The following AK5 variants were observed in gnomAD, a reference collection of about 807,000 sequenced individuals.
The protein encoded by AK5 is adenylate kinase 5.
Under a neutral mutation model 69.5 loss-of-function variants are expected in AK5, and 27 were observed. That is an observed-to-expected ratio of 0.39 (90% CI 0.29 to 0.54). The LOEUF is 0.54. Ranked by LOEUF, AK5 falls within the 20% of genes least tolerant of loss-of-function variation. The pLI is 0.71. For synonymous variants in AK5, 260 were observed against 244.4 expected (o/e 1.06, Z -0.60); for missense variants, 531 against 700.4 (o/e 0.76, Z 2.73).
rs112106678 is a variant in AK5 at position 77,285,850 on chromosome 1, A to AT, written c.61-1081dup. 6.7e-3 allele frequency among the ~76,000 whole-genome samples: 1,001 copies of AT among 149,376 alleles called. 12 individuals are homozygous for AT. The highest frequency in any genetic ancestry group is 0.022 in the African/African-American group (895 of 40,676). ...CTCAGTTAGACTTGAGCTTTGAGGG[A>AT]TTTTTTTTTTCCAATTGGAAAACAG... On this transcript the variant is annotated intron_variant, in intron 1 of 13. Coordinates refer to ENST00000354567, the MANE Select transcript of AK5 (RefSeq NM_174858.3).
intron 5 of AK5, among the ~76,000 whole-genome samples, chr1:77,336,302 G>A (rs538861640): frequency 2.6e-5 from 4 of 151,826 alleles, no homozygotes; most frequent in Non-Finnish European, 5.9e-5. Flanking sequence ...GGATGGTCTC[G>A]ATCTCTTAAC....
At chr1:77,466,756 A>G (rs1654167569) in intron 8 of AK5, among the ~76,000 whole-genome samples, 1 of 152,226 alleles carries the variant, frequency 6.6e-6, no homozygotes, top group Admixed American at 6.5e-5. Context: ...ACCCACATCC[A>G]CAAGCCCTTT....
chr1:77,374,418 C>CTTTT (rs34141642), intron 6 of AK5, among the ~76,000 whole-genome samples: 3 of 138,792 alleles, frequency 2.2e-5, no homozygotes, highest in Admixed American at 7.2e-5. Context: ...TGAGGTAATG[C>CTTTT]TTTTTTTTTT....
intron 5 of AK5, among the ~76,000 whole-genome samples, chr1:77,328,829 T>A (rs938276967): frequency 6.6e-6 from 1 of 152,222 alleles, no homozygotes. Flanking sequence ...TAGTTCCTTT[T>A]ATGCTGTTAT....
rs571619546 is a variant in AK5, at chr1:77,481,149, C to G, written c.1060-2168C>G. 2.0e-5 allele frequency among the ~76,000 whole-genome samples: 3 copies of G among 152,216 alleles called. No homozygotes were observed. The East Asian group carries it at 5.8e-4, about 29-fold the overall frequency. On this transcript the variant is annotated intron_variant, in intron 8 of 13. Coordinates refer to ENST00000354567, the MANE Select transcript of AK5 (RefSeq NM_174858.3). ...AGGGGATGCCCCTACACTGATGAGA[C>G]CAAATGCATAGCAGCCATGCAAAGT...
intron 10 of AK5, among the ~76,000 whole-genome samples, chr1:77,511,695 C>G (rs1156782915): frequency 2.0e-5 from 3 of 152,206 alleles, no homozygotes; most frequent in Admixed American, 2.0e-4. Context: ...CTCAAGGGAA[C>G]TCTTAGCAGC....
intron 12 of AK5, among the ~76,000 whole-genome samples, chr1:77,525,123 T>C (rs1210021569): frequency 6.6e-6 from 1 of 152,132 alleles, no homozygotes; most frequent in African/African-American, 2.4e-5. Context: ...TGCCCAGGCT[T>C]GTGTTGAACT....
chr1:77,503,746 A>T (rs1036597601), intron 10 of AK5, among the ~76,000 whole-genome samples: 1 of 151,942 alleles, frequency 6.6e-6, no homozygotes, highest in African/African-American at 2.4e-5. Flanking sequence ...TACTAAATAT[A>T]CCAAAAAAAT....
At chr1:77,445,254 T>C (rs2100646852) in intron 8 of AK5, among the ~76,000 whole-genome samples, 2 of 152,328 alleles carry the variant, frequency 1.3e-5, no homozygotes, top group South Asian at 4.1e-4. Context: ...ACAAACAGTA[T>C]ACAAAAGTAT....
At chr1:77,444,407 CTATATATAGTATATACAT>C (rs1557598570) in intron 8 of AK5, among the ~76,000 whole-genome samples, 19 of 63,046 alleles carry the variant, frequency 3.0e-4, no homozygotes, top group African/African-American at 1.1e-3. Flanking sequence ...TAAATATATA[CTATATATAGTATATACAT>C]AGTATAAATA....
At chr1:77,487,575 T>A (rs1462769654) in intron 10 of AK5, among the ~76,000 whole-genome samples, 1 of 152,218 alleles carries the variant, frequency 6.6e-6, no homozygotes, top group Non-Finnish European at 1.5e-5. Context: ...TATAATCAGA[T>A]AAACTTAAGA....
At chr1:77,444,416 G>T (rs1329332363) in intron 8 of AK5, among the ~76,000 whole-genome samples, 1 of 54,346 alleles carries the variant, frequency 1.8e-5, no homozygotes, top group African/African-American at 8.1e-5. Context: ...ACTATATATA[G>T]TATATACATA....
intron 12 of AK5, among the ~76,000 whole-genome samples, chr1:77,531,833 G>T (rs569632308): frequency 6.8e-6 from 1 of 148,112 alleles, no homozygotes; most frequent in South Asian, 2.1e-4. Context: ...GGCTGGTGCC[G>T]CGCAGGAGAC....
At chr1:77,458,693 TG>T (rs1282993124) in intron 8 of AK5, among the ~76,000 whole-genome samples, 1 of 152,162 alleles carries the variant, frequency 6.6e-6, no homozygotes, top group Non-Finnish European at 1.5e-5. Flanking sequence ...GAGAACAGCA[TG>T]GGAAGACCCA....
chr1:77,522,960 A>G (rs1183685476), intron 12 of AK5, among the ~76,000 whole-genome samples: 1 of 152,146 alleles, frequency 6.6e-6, no homozygotes, highest in Non-Finnish European at 1.5e-5. Flanking sequence ...AGTGAAGCCC[A>G]GAAAGGGTTA....
At chr1:77,420,105 T>C (rs1650710477) in intron 8 of AK5, among the ~76,000 whole-genome samples, 1 of 152,052 alleles carries the variant, frequency 6.6e-6, no homozygotes, top group South Asian at 2.1e-4. Context: ...ATTAGTCAGT[T>C]TTCTAGATTG....
intron 13 of AK5, among the ~76,000 whole-genome samples, chr1:77,544,891 C>T (rs1416919749): frequency 6.6e-6 from 1 of 152,152 alleles, no homozygotes; most frequent in Non-Finnish European, 1.5e-5. Context: ...GCGTACTTTA[C>T]GTGATTGTAC....
intron 6 of AK5, among the ~76,000 whole-genome samples, chr1:77,405,030 C>T (rs1453804225): frequency 2.0e-5 from 3 of 152,136 alleles, no homozygotes; most frequent in African/African-American, 7.2e-5. Context: ...TCTACATCCC[C>T]AAGTTTTAAA....
intron 5 of AK5, among the ~76,000 whole-genome samples, chr1:77,317,418 A>G (rs1036198610): frequency 6.6e-6 from 1 of 152,172 alleles, no homozygotes; most frequent in African/African-American, 2.4e-5. Flanking sequence ...AGGGAATTAG[A>G]ATCCACTTTT....
Sources: allele counts gnomAD v4.1 joint callset (sites outside exome capture counted in the v4.1 genomes callset), GRCh38; gene constraint gnomAD v4.1.1; transcripts MANE v1.5; gene names NCBI Gene and HGNC (gene_info 2026-07-23, HGNC 2026-07-21).